Variants in TRHDE observed in about 807,000 individuals in gnomAD.
TRHDE encodes thyrotropin-releasing hormone-degrading ectoenzyme.
A neutral mutation model predicts 125.7 loss-of-function variants in TRHDE; 72 were observed. That is an observed-to-expected ratio of 0.57 (90% CI 0.47 to 0.70). TRHDE has a LOEUF of 0.70. TRHDE is among the 30% of genes least tolerant of loss of function. The pLI, the probability that TRHDE is intolerant of heterozygous loss-of-function variation, is 0.00. For missense variants in TRHDE, 1,110 were observed against 1,327.1 expected (o/e 0.84, Z 2.54); for synonymous variants, 509 against 509.1 (o/e 1.00, Z 0.00).
At chr12:72,088,585 A>G (rs1244457234) in intron 1 of TRHDE, among the ~76,000 whole-genome samples, 1 of 151,972 alleles carries the variant, frequency 6.6e-6, no homozygotes, top group African/African-American at 2.4e-5. Context: ...CCTCAGCAGC[A>G]TAACTTTGCT....
At position 72,235,790 on chromosome 12, in the gene TRHDE, ACTAGC is replaced by A. The variant is rs1228181839; in HGVS notation, n.279+130039_279+130043del. 2.5e-3 allele frequency among the ~76,000 whole-genome samples: 206 copies of A among 81,644 alleles called. 2 individuals are homozygous for A. The highest frequency in any genetic ancestry group is 4.5e-3 in the Admixed American group (44 of 9,768). 53.6% of individuals were successfully genotyped at this position (81,644 alleles called of 152,430 possible). Reference sequence around the variant, plus strand: ...AGCACTATAGCCAAGCCCAAATTACACTAGCGTATTTAAGGCCTCTCCTCACAAAA... The same window carrying A: ...AGCACTATAGCCAAGCCCAAATTACAGTATTTAAGGCCTCTCCTCACAAAA... On this transcript the variant is annotated intron_variant and non_coding_transcript_variant, in intron 2 of 4. Coordinates refer to the TRHDE transcript ENST00000548156.
At chr12:72,468,476 C>T (rs1430461810) in intron 3 of TRHDE, among the ~76,000 whole-genome samples, 2 of 152,142 alleles carry the variant, frequency 1.3e-5, no homozygotes, top group Admixed American at 6.5e-5. Context: ...TCTGTTGCAT[C>T]GTAGGGAGTT....
Position 72,102,383 on chromosome 12 carries a change from G to A in TRHDE, n.175-3265G>A, listed in dbSNP as rs1875088647. ...ACGTGGCAGAGGGATTTGGCTCCAG[G>A]ACACAGAGAAATGCCAGGAATTCGA... is the stretch of plus-strand genomic sequence containing the variant. On this transcript the variant is annotated intron_variant and non_coding_transcript_variant, in intron 1 of 4. Coordinates refer to the TRHDE transcript ENST00000548156. Among the ~76,000 whole-genome samples the A allele has an allele frequency of 4.6e-5, 7 of 152,146 alleles. No homozygotes were observed. In the South Asian group the frequency reaches 1.4e-3, roughly 32 times the overall value.
At chr12:72,317,724 G>C (rs1868872751) in intron 2 of TRHDE, among the ~76,000 whole-genome samples, 1 of 152,182 alleles carries the variant, frequency 6.6e-6, no homozygotes, top group African/African-American at 2.4e-5. Flanking sequence ...GTACATGAAA[G>C]AGGGACACCA....
intron 10 of TRHDE, among the ~76,000 whole-genome samples, chr12:72,572,166 T>C (rs1354383934): frequency 1.3e-5 from 2 of 152,198 alleles, no homozygotes; most frequent in Non-Finnish European, 2.9e-5. Flanking sequence ...TGTATTATTT[T>C]CCCTGAGTTT....
intron 13 of TRHDE, among the ~76,000 whole-genome samples, chr12:72,619,771 T>C (rs1872968264): frequency 6.6e-6 from 1 of 152,150 alleles, no homozygotes; most frequent in South Asian, 2.1e-4. Context: ...TGTTTTCCTT[T>C]AGTTAGCGTA....
chr12:72,321,088 G>T (rs1869068847), intron 2 of TRHDE, among the ~76,000 whole-genome samples: 1 of 152,176 alleles, frequency 6.6e-6, no homozygotes, highest in South Asian at 2.1e-4. Flanking sequence ...TGAGCAGGGT[G>T]AGAGAAAAAT....
chr12:72,308,236 G>A (rs144567401), intron 2 of TRHDE, among the ~76,000 whole-genome samples: 3 of 151,990 alleles, frequency 2.0e-5, no homozygotes, highest in East Asian at 1.9e-4. Flanking sequence ...TTGGTACTTC[G>A]TGTGCATGTG....
intron 2 of TRHDE, among the ~76,000 whole-genome samples, chr12:72,374,259 A>G (rs1266636719): frequency 2.6e-5 from 4 of 151,172 alleles, no homozygotes; most frequent in Non-Finnish European, 5.9e-5. Context: ...AAGAATTACC[A>G]TTAACTGAGG....
At chr12:72,572,168 C>A (rs12296996) in intron 10 of TRHDE, among the ~76,000 whole-genome samples, 14 of 151,788 alleles carry the variant, frequency 9.2e-5, no homozygotes, top group African/African-American at 3.4e-4. Context: ...TATTATTTTC[C>A]CTGAGTTTGT....
intron 2 of TRHDE, among the ~76,000 whole-genome samples, chr12:72,120,226 T>G (rs1335557414): frequency 2.0e-5 from 3 of 151,994 alleles, no homozygotes. Context: ...AATTTTTGTA[T>G]TTTTAGTAGA....
At chr12:72,121,088 A>T (rs1385673385) in intron 2 of TRHDE, among the ~76,000 whole-genome samples, 1 of 152,164 alleles carries the variant, frequency 6.6e-6, no homozygotes, top group Non-Finnish European at 1.5e-5. Flanking sequence ...TGTTCAAGGT[A>T]TGAGTAATTT....
intron 5 of TRHDE, among the ~76,000 whole-genome samples, chr12:72,494,719 G>A (rs983684884): frequency 2.4e-4 from 36 of 151,926 alleles, no homozygotes; most frequent in African/African-American, 6.0e-4. Context: ...TAATTTCTCA[G>A]GTGTGCCTAA....
intron 2 of TRHDE, among the ~76,000 whole-genome samples, chr12:72,156,523 G>A (rs930661498): frequency 6.6e-6 from 1 of 152,074 alleles, no homozygotes; most frequent in Non-Finnish European, 1.5e-5. Context: ...GTTCCTATGC[G>A]GCCATCTTGG....
Position 72,612,711 on chromosome 12 carries a change from C to T in TRHDE, c.2322-6180C>T, listed in dbSNP as rs117263089. Among the ~76,000 whole-genome samples the T allele has an allele frequency of 4.5e-3, 678 of 152,270 alleles. 5 individuals carry two copies. Among genetic ancestry groups the T allele is most frequent in the South Asian group, 0.01 (50 of 4,820 alleles). On this transcript the variant is annotated intron_variant, in intron 12 of 18. Transcript: ENST00000261180. Reference sequence around the variant, plus strand: ...CATCATAACTGGTATACATTAAGTCCTCAATACATGATAGCTTGAAATTAT... The same window carrying T: ...CATCATAACTGGTATACATTAAGTCTTCAATACATGATAGCTTGAAATTAT...
At chr12:72,376,169 C>T (rs1430265904) in intron 2 of TRHDE, among the ~76,000 whole-genome samples, 1 of 152,164 alleles carries the variant, frequency 6.6e-6, no homozygotes, top group Non-Finnish European at 1.5e-5. Flanking sequence ...GTGAACTCAC[C>T]AGCGTAATTC....
intron 3 of TRHDE, among the ~76,000 whole-genome samples, chr12:72,427,771 C>T (rs1293920283): frequency 6.6e-6 from 1 of 152,150 alleles, no homozygotes; most frequent in Non-Finnish European, 1.5e-5. Context: ...AGAGCCCTTT[C>T]TCTTTATGTG....
At chr12:72,099,021 C>G (rs960772642) in intron 1 of TRHDE, among the ~76,000 whole-genome samples, 2 of 151,956 alleles carry the variant, frequency 1.3e-5, no homozygotes, top group East Asian at 3.9e-4. Flanking sequence ...AAAAATTTGC[C>G]GGGCATGGTG....
intron 3 of TRHDE, among the ~76,000 whole-genome samples, chr12:72,397,606 T>C (rs1872852603): frequency 6.6e-6 from 1 of 152,148 alleles, no homozygotes; most frequent in Non-Finnish European, 1.5e-5. Context: ...CTTTTTATGC[T>C]TATTTGAATG....
Sources: gnomAD v4.1 joint callset for allele counts (sites outside exome capture counted in the v4.1 genomes callset) on GRCh38, gnomAD v4.1.1 for gene constraint, MANE v1.5 for transcripts, NCBI Gene and HGNC (gene_info 2026-07-23, HGNC 2026-07-21) for gene names.